NRXN3: variants seen among roughly 807,000 people sequenced by gnomAD.
NRXN3 encodes the protein neurexin 3, also known as neurexin III.
A neutral mutation model predicts 137.6 loss-of-function variants in NRXN3; 32 were observed. The ratio of observed to expected loss-of-function variants is 0.23; its 90% CI spans 0.18 to 0.31. The LOEUF (loss-of-function observed/expected upper bound fraction) is 0.31. Among genes scored for constraint, NRXN3 ranks in the 10% least tolerant of loss-of-function variants. The pLI is 1.00. For missense variants in NRXN3, 1,574 were observed against 2,062.5 expected (o/e 0.76, Z 4.59); for synonymous variants, 798 against 784.5 (o/e 1.02, Z -0.29).
chr14:78,699,823 G>A (rs1046058713), intron 6 of NRXN3, among the ~76,000 whole-genome samples: 12 of 152,250 alleles, frequency 7.9e-5, no homozygotes, highest in African/African-American at 2.6e-4. Context: ...TTTGTTTAGT[G>A]CCTAAGAAAA....
chr14:79,006,847 T>C (rs2099554063), intron 15 of NRXN3, among the ~76,000 whole-genome samples: 1 of 152,202 alleles, frequency 6.6e-6, no homozygotes, highest in South Asian at 2.1e-4. Flanking sequence ...ATTTTTTCCC[T>C]GATGTAGATA....
chr14:79,449,556 G>T (rs1053544455), intron 15 of NRXN3, among the ~76,000 whole-genome samples: 3 of 152,106 alleles, frequency 2.0e-5, no homozygotes, highest in African/African-American at 7.2e-5. Context: ...TCACTTCCTT[G>T]TGGACTAAGA....
intron 4 of NRXN3, among the ~76,000 whole-genome samples, chr14:78,405,195 A>G (rs2153658695): frequency 1.3e-5 from 2 of 152,290 alleles, no homozygotes; most frequent in South Asian, 2.1e-4. Flanking sequence ...AGTAAAGTAG[A>G]TGAATGTTCT....
rs1185649217 is a variant in NRXN3 at position 79,515,143 on chromosome 14, T to A, written c.3444+47741T>A. Among the ~76,000 whole-genome samples, 2 of 150,564 alleles carry A rather than the reference T, an allele frequency of 1.3e-5. 1 individual carries two copies. The highest frequency in any genetic ancestry group is 5.0e-5 in the African/African-American group (2 of 39,926). On this transcript the variant is annotated intron_variant, in intron 16 of 20. Coordinates refer to ENST00000335750, the MANE Select transcript of NRXN3 (RefSeq NM_001330195.2). ...GGGAGGGCTCCCTGAGAAGCAGACC[T>A]GTGGGCTAAGTTTAGCATGCAGGAT...
rs192565742 is a variant in NRXN3 at position 78,245,669 on chromosome 14, A to G, written c.709+1867A>G. ...AAACAAAATTTATTTCCCAGGTGGTACCTGCTGGAGACTGGAACATATCAG... is the reference window on the plus strand; with the variant it reads ...AAACAAAATTTATTTCCCAGGTGGTGCCTGCTGGAGACTGGAACATATCAG... On this transcript the variant is annotated intron_variant, in intron 2 of 20. Transcript: ENST00000335750. Among the ~76,000 whole-genome samples the G allele has an allele frequency of 1.2e-3, 189 of 152,328 alleles. 1 individual carries two copies. Among genetic ancestry groups the G allele is most frequent in the Non-Finnish European group, 2.3e-3 (158 of 68,030 alleles).
At chr14:79,102,408 C>G (rs2051495480) in intron 15 of NRXN3, among the ~76,000 whole-genome samples, 1 of 152,144 alleles carries the variant, frequency 6.6e-6, no homozygotes, top group Non-Finnish European at 1.5e-5. Flanking sequence ...TGACAGTTCC[C>G]AAGGTCAAAC....
chr14:79,028,221 T>C (rs1595098935), intron 15 of NRXN3, among the ~76,000 whole-genome samples: 1 of 152,282 alleles, frequency 6.6e-6, no homozygotes, highest in East Asian at 1.9e-4. Flanking sequence ...ATGGTGAGCC[T>C]ATCTCTCTTC....
At chr14:79,462,026 A>C (rs1354967028) in intron 15 of NRXN3, among the ~76,000 whole-genome samples, 2 of 152,134 alleles carry the variant, frequency 1.3e-5, no homozygotes, top group Admixed American at 1.3e-4. Flanking sequence ...TACTTAATTT[A>C]TTGTTCTACT....
At position 78,225,989 on chromosome 14, in the gene NRXN3, GTGTGT is replaced by G. The variant is rs1333688547; in HGVS notation, c.-703-16401_-703-16397del. On this transcript the variant is annotated intron_variant, in intron 1 of 20. Coordinates refer to ENST00000335750, the MANE Select transcript of NRXN3 (RefSeq NM_001330195.2). ...TGTGTGTGTTGGTGTGTGTGTGTGT[GTGTGT>G]GTGTGTGTGTGTGTGTGTGTGTGTT... Among the ~76,000 whole-genome samples, 554 of 147,940 alleles carry G rather than the reference GTGTGT, an allele frequency of 3.7e-3. 4 individuals carry two copies. The highest frequency in any genetic ancestry group is 0.013 in the African/African-American group (510 of 39,522).
intron 15 of NRXN3, among the ~76,000 whole-genome samples, chr14:79,448,056 A>G (rs1422395026): frequency 6.6e-6 from 1 of 152,114 alleles, no homozygotes; most frequent in Non-Finnish European, 1.5e-5. Context: ...TCCTGTGAGG[A>G]CCTATGTAAT....
intron 4 of NRXN3, among the ~76,000 whole-genome samples, chr14:78,329,230 T>G (rs1185328409): frequency 6.6e-6 from 1 of 152,166 alleles, no homozygotes; most frequent in East Asian, 1.9e-4. Context: ...AGGGAAACCT[T>G]CTCTGAGTTA....
At chr14:79,405,378 A>G (rs1433875197) in intron 15 of NRXN3, among the ~76,000 whole-genome samples, 1 of 152,156 alleles carries the variant, frequency 6.6e-6, no homozygotes, top group African/African-American at 2.4e-5. Context: ...GAGCAAGGGT[A>G]AGATAGTCTG....
chr14:79,073,286 G>A (rs1209640101), intron 15 of NRXN3, among the ~76,000 whole-genome samples: 1 of 152,078 alleles, frequency 6.6e-6, no homozygotes, highest in African/African-American at 2.4e-5. Flanking sequence ...CTATTTCAGA[G>A]AGTCAAAATT....
intron 4 of NRXN3, among the ~76,000 whole-genome samples, chr14:78,525,954 C>T (rs957758851): frequency 3.3e-5 from 5 of 152,144 alleles, no homozygotes; most frequent in African/African-American, 7.2e-5. Context: ...TCACTAAATT[C>T]ACATTTCTGG....
At chr14:79,477,367 A>G (rs1473920635) in intron 16 of NRXN3, among the ~76,000 whole-genome samples, 3 of 152,148 alleles carry the variant, frequency 2.0e-5, no homozygotes, top group Non-Finnish European at 4.4e-5. Context: ...TTCTGCCTCC[A>G]ACTAGTTCTG....
chr14:79,584,410 A>T (rs761497283), intron 16 of NRXN3, among the ~76,000 whole-genome samples: 5 of 152,192 alleles, frequency 3.3e-5, no homozygotes, highest in Non-Finnish European at 7.3e-5. Context: ...GTTTATTTGC[A>T]TGAGTCCATA....
intron 15 of NRXN3, among the ~76,000 whole-genome samples, chr14:79,298,592 A>C (rs569923437): frequency 5.9e-5 from 9 of 152,116 alleles, no homozygotes; most frequent in Non-Finnish European, 1.2e-4. Flanking sequence ...ATGATTAAGC[A>C]AGTGAGACAA....
chr14:78,228,124 C>T (rs1472247549), intron 1 of NRXN3, among the ~76,000 whole-genome samples: 1 of 150,012 alleles, frequency 6.7e-6, no homozygotes, highest in East Asian at 2.0e-4. Context: ...AACCACTACA[C>T]AACATTATGG....
intron 1 of NRXN3, among the ~76,000 whole-genome samples, chr14:78,174,634 G>GGTT (rs2059088875): frequency 6.6e-6 from 1 of 152,176 alleles, no homozygotes; most frequent in African/African-American, 2.4e-5. Flanking sequence ...TGGTGTGGCT[G>GGTT]TGTTTGTTGG....
Sources: allele counts gnomAD v4.1 joint callset (sites outside exome capture counted in the v4.1 genomes callset), GRCh38; gene constraint gnomAD v4.1.1; transcripts MANE v1.5; gene names NCBI Gene and HGNC (gene_info 2026-07-23, HGNC 2026-07-21).